ADAMTS3: variants seen among roughly 807,000 people sequenced by gnomAD.
ADAMTS3 encodes A disintegrin and metalloproteinase with thrombospondin motifs 3.
A neutral mutation model predicts 129.0 loss-of-function variants in ADAMTS3; 73 were observed. That is an observed-to-expected ratio of 0.57 (90% CI 0.47 to 0.69). ADAMTS3 has a LOEUF of 0.69. Among genes scored for constraint, ADAMTS3 ranks in the 30% least tolerant of loss-of-function variants. The probability of loss-of-function intolerance (pLI) is 0.00; values close to 1 mark genes in which losing one functional copy is unlikely to be tolerated. For missense variants in ADAMTS3, 1,457 were observed against 1,514.5 expected (o/e 0.96, Z 0.63); for synonymous variants, 477 against 510.8 (o/e 0.93, Z 0.89).
At chr4:72,443,449 G>A (rs1386860259) in intron 3 of ADAMTS3, among the ~76,000 whole-genome samples, 1 of 151,538 alleles carries the variant, frequency 6.6e-6, no homozygotes, top group Admixed American at 6.6e-5. Flanking sequence ...GTCTTTATCT[G>A]CACCTAGACA....
chr4:72,473,257 G>A (rs1005013109), intron 3 of ADAMTS3, among the ~76,000 whole-genome samples: 21 of 151,844 alleles, frequency 1.4e-4, no homozygotes, highest in African/African-American at 4.6e-4. Context: ...AACATAAGAC[G>A]ACTCTAAAGG....
At chr4:72,289,215 C>A (rs552466627) in intron 20 of ADAMTS3, among the ~76,000 whole-genome samples, 1 of 152,098 alleles carries the variant, frequency 6.6e-6, no homozygotes, top group African/African-American at 2.4e-5. Context: ...AAATTCCTGA[C>A]ACCTAGTAAG....
intron 3 of ADAMTS3, among the ~76,000 whole-genome samples, chr4:72,477,608 A>C (rs1193830748): frequency 6.6e-6 from 1 of 152,162 alleles, no homozygotes; most frequent in Non-Finnish European, 1.5e-5. Flanking sequence ...CAAAATTGAC[A>C]CCCTAACATC....
At chr4:72,369,489 T>A (rs896736354) in intron 4 of ADAMTS3, among the ~76,000 whole-genome samples, 2 of 152,096 alleles carry the variant, frequency 1.3e-5, no homozygotes, top group Non-Finnish European at 2.9e-5. Flanking sequence ...GGTGGGCAGA[T>A]CACTTGAGGT....
At position 72,541,826 on chromosome 4, in the gene ADAMTS3, ATTAG is replaced by A. The variant is rs1468688617; in HGVS notation, c.504+6648_504+6651del. ...CCTAGCCATGTGGAACTGTGAGTCCATTAGTTTTCTTTTTCTTTATAAATTAACC... is the reference window on the plus strand; with the variant it reads ...CCTAGCCATGTGGAACTGTGAGTCCATTTTCTTTTTCTTTATAAATTAACC... On this transcript the variant is annotated intron_variant, in intron 3 of 21. Coordinates refer to ENST00000286657, the MANE Select transcript of ADAMTS3 (RefSeq NM_014243.3). 4.6e-5 allele frequency among the ~76,000 whole-genome samples: 7 copies of A among 152,266 alleles called. No individual in the cohort carries two copies. The East Asian group carries it at 1.2e-3, about 25-fold the overall frequency.
chr4:72,563,091 G>GT (rs1578798941), intron 2 of ADAMTS3, among the ~76,000 whole-genome samples: 2 of 152,100 alleles, frequency 1.3e-5, no homozygotes, highest in African/African-American at 2.4e-5. Context: ...GACCTTGAGG[G>GT]TTTTTTAACA....
At chr4:72,304,503 A>T (rs747118510) in intron 16 of ADAMTS3, among the ~76,000 whole-genome samples, 1 of 152,066 alleles carries the variant, frequency 6.6e-6, no homozygotes, top group Non-Finnish European at 1.5e-5. Flanking sequence ...TATTGCATAT[A>T]TTTTTTAAAG....
intron 4 of ADAMTS3, among the ~76,000 whole-genome samples, chr4:72,379,568 T>A (rs574691113): frequency 5.3e-5 from 8 of 152,130 alleles, no homozygotes; most frequent in African/African-American, 1.9e-4. Flanking sequence ...AGAGCTATAG[T>A]TGACAATTTA....
chr4:72,318,139 G>T (rs1052716210), intron 10 of ADAMTS3, among the ~76,000 whole-genome samples: 1 of 151,894 alleles, frequency 6.6e-6, no homozygotes, highest in Admixed American at 6.6e-5. Context: ...CCTTCCCTAT[G>T]GTCACACATA....
At chr4:72,423,975 T>A (rs28577250) in intron 3 of ADAMTS3, among the ~76,000 whole-genome samples, 3 of 151,396 alleles carry the variant, frequency 2.0e-5, no homozygotes, top group African/African-American at 4.9e-5. Context: ...TCTTTTGAAC[T>A]CCCAGAATTT....
chr4:72,476,620 T>TA (rs1194659207), intron 3 of ADAMTS3, among the ~76,000 whole-genome samples: 3 of 151,816 alleles, frequency 2.0e-5, no homozygotes, highest in East Asian at 3.9e-4. Context: ...TTTACGAAGC[T>TA]AAAATTACAC....
chr4:72,395,812 TTG>T (rs149262244), intron 4 of ADAMTS3, among the ~76,000 whole-genome samples: 222 of 150,320 alleles, frequency 1.5e-3, no homozygotes, highest in Middle Eastern at 6.8e-3. Context: ...AGTAGTATAT[TTG>T]TGTGTGTGTG....
chr4:72,423,005 A>T (rs1722484654), intron 3 of ADAMTS3, among the ~76,000 whole-genome samples: 2 of 152,282 alleles, frequency 1.3e-5, no homozygotes, highest in South Asian at 4.1e-4. Flanking sequence ...TTCCATCAAA[A>T]ATTACAATGT....
rs1297337331 is a variant in ADAMTS3 at position 72,319,394 on chromosome 4, T to C, written c.1290A>G (p.Gln430=). Residue 430 remains glutamine, a synonymous_variant, in exon 9 of 22, where the codon CAA becomes CAG. Transcript: ENST00000286657. The part of the protein sequence containing the change: ...AMGSVMAPLV[Q]AAFHRYHWSR... ...ACCAGTGGTAACGATGGAATGCTGCTTGTACCAAGGGAGCCATGACACTTC... is the reference window on the plus strand; with the variant it reads ...ACCAGTGGTAACGATGGAATGCTGCCTGTACCAAGGGAGCCATGACACTTC... 1 of 1,613,982 alleles carries C rather than the reference T, an allele frequency of 6.2e-7. No individual in the cohort carries two copies. Among genetic ancestry groups the C allele is most frequent in the Non-Finnish European group, 8.5e-7 (1 of 1,179,934 alleles).
At chr4:72,296,527 C>T (rs933197176) in intron 18 of ADAMTS3, among the ~76,000 whole-genome samples, 3 of 151,870 alleles carry the variant, frequency 2.0e-5, no homozygotes, top group African/African-American at 4.8e-5. Flanking sequence ...TATTTGTATA[C>T]CTTGCATCTA....
intron 3 of ADAMTS3, among the ~76,000 whole-genome samples, chr4:72,472,536 C>G (rs1158257589): frequency 4.6e-5 from 7 of 151,958 alleles, no homozygotes; most frequent in Non-Finnish European, 8.8e-5. Context: ...CCTACTAGTC[C>G]ATGTTATGAA....
At chr4:72,435,019 A>G in intron 3 of ADAMTS3, among the ~76,000 whole-genome samples, 1 of 151,862 alleles carries the variant, frequency 6.6e-6, no homozygotes, top group East Asian at 1.9e-4. Flanking sequence ...ATTCTTCCCA[A>G]ATTAAGCCTC....
chr4:72,533,214 T>C (rs1340175703), intron 3 of ADAMTS3, among the ~76,000 whole-genome samples: 1 of 152,168 alleles, frequency 6.6e-6, no homozygotes, highest in Non-Finnish European at 1.5e-5. Flanking sequence ...AAAAATTGTT[T>C]TTGGTTTTTA....
intron 3 of ADAMTS3, among the ~76,000 whole-genome samples, chr4:72,503,101 G>A (rs534889175): frequency 1.1e-4 from 16 of 152,152 alleles, no homozygotes; most frequent in Non-Finnish European, 1.5e-4. Flanking sequence ...TCAGCTCACT[G>A]CAACCTTTCC....
Sources: allele counts gnomAD v4.1 joint callset (sites outside exome capture counted in the v4.1 genomes callset), GRCh38; gene constraint gnomAD v4.1.1; transcripts MANE v1.5; gene names NCBI Gene and HGNC (gene_info 2026-07-23, HGNC 2026-07-21).